PYY: variants seen among roughly 807,000 people sequenced by gnomAD.
The protein encoded by PYY is peptide YY, also known as peptide tyrosine tyrosine.
Under a neutral mutation model 10.3 loss-of-function variants are expected in PYY, and 12 were observed. The ratio of observed to expected loss-of-function variants is 1.17; its 90% CI spans 0.75 to 1.89. The LOEUF is 1.89. Among genes scored for constraint, PYY ranks in the 40% most tolerant of loss-of-function variants. The pLI is 0.00. For missense variants in PYY, 141 were observed against 134.0 expected (o/e 1.05, Z -0.26); for synonymous variants, 66 against 62.0 (o/e 1.06, Z -0.30).
chr17:43,984,845 A>G (rs1383261378), intron 1 of PYY, among the ~76,000 whole-genome samples: 1 of 152,176 alleles, frequency 6.6e-6, no homozygotes, highest in African/African-American at 2.4e-5. Flanking sequence ...GGCTGATTAA[A>G]TCTCGATTTT....
chr17:43,956,462 A>G (rs1204827679), upstream of PYY, among the ~76,000 whole-genome samples: 1 of 152,108 alleles, frequency 6.6e-6, no homozygotes, highest in Non-Finnish European at 1.5e-5. Flanking sequence ...TGCATGACTC[A>G]GTGGCCATGA....
chr17:44,002,916 A>G (rs1356565560), intron 1 of PYY, among the ~76,000 whole-genome samples: 1 of 152,238 alleles, frequency 6.6e-6, no homozygotes, highest in East Asian at 1.9e-4. Flanking sequence ...TATCTTTAAC[A>G]CATGGCACCT....
chr17:43,958,656 G>A (rs1234147904), upstream of PYY, among the ~76,000 whole-genome samples: 4 of 152,018 alleles, frequency 2.6e-5, no homozygotes, highest in Non-Finnish European at 4.4e-5. Flanking sequence ...CTGGGATTAC[G>A]AGTGTGAGCC....
rs1435316737 is a variant in PYY at position 43,987,133 on chromosome 17, C to T, written c.-463+17258G>A. On this transcript the variant is annotated intron_variant, in intron 1 of 6. Transcript: ENST00000360085. The surrounding 1 kb of genome is among the most constrained non-coding windows in gnomAD (Gnocchi z 4.0). Reference sequence around the variant, plus strand: ...TGGTGGTCAGCACAGACATGGTGACCGTGGCCCTGAAACCATGTCTCTATT... The same window carrying T: ...TGGTGGTCAGCACAGACATGGTGACTGTGGCCCTGAAACCATGTCTCTATT... Among the ~76,000 whole-genome samples the T allele has an allele frequency of 2.0e-5, 3 of 152,128 alleles. No individual in the cohort carries two copies. The highest frequency in any genetic ancestry group is 1.9e-4 in the East Asian group (1 of 5,192).
intron 1 of PYY, among the ~76,000 whole-genome samples, chr17:44,003,670 CAAAA>C (rs34426332): frequency 5.8e-5 from 1 of 17,112 alleles, no homozygotes; most frequent in African/African-American, 1.0e-4. Context: ...AACAAACAAA[CAAAA>C]AAAAAAAAAA....
At chr17:43,972,643 C>T (rs1474267030) in intron 1 of PYY, among the ~76,000 whole-genome samples, 1 of 152,158 alleles carries the variant, frequency 6.6e-6, no homozygotes, top group Admixed American at 6.5e-5. Flanking sequence ...ATCTTCCCAC[C>T]TCAGCCTTCC....
intron 1 of PYY, among the ~76,000 whole-genome samples, chr17:43,982,394 G>A (rs1337656004): frequency 1.3e-5 from 2 of 152,222 alleles, no homozygotes; most frequent in Non-Finnish European, 2.9e-5. Context: ...ATTTTTGTAA[G>A]AGGAGTCTCC....
intron 2 of PYY, among the ~76,000 whole-genome samples, chr17:43,964,718 G>A (rs1030698382): frequency 1.3e-4 from 20 of 152,242 alleles, no homozygotes; most frequent in African/African-American, 4.1e-4. Context: ...CAGGAGAATC[G>A]CTTGAACCCG....
upstream of PYY, among the ~76,000 whole-genome samples, chr17:43,957,102 G>A (rs145978315): frequency 4.2e-4 from 63 of 151,164 alleles, 2 homozygotes; most frequent in East Asian, 0.012. Context: ...GGAGGCTGAA[G>A]CAGGAAAATT....
intron 2 of PYY, among the ~76,000 whole-genome samples, chr17:43,963,673 AAAAT>A (rs2048735094): frequency 6.6e-6 from 1 of 151,944 alleles, no homozygotes. Flanking sequence ...GAAAAAGAGA[AAAAT>A]AACCCTGACC....
chr17:43,968,687 C>A (rs1019967425), intron 1 of PYY, among the ~76,000 whole-genome samples: 1 of 152,114 alleles, frequency 6.6e-6, no homozygotes, highest in Non-Finnish European at 1.5e-5. Context: ...TAGTGTGCAC[C>A]TGTGGTCCCA....
chr17:43,956,418 A>ATC, upstream of PYY, among the ~76,000 whole-genome samples: 1 of 150,396 alleles, frequency 6.6e-6, no homozygotes, highest in South Asian at 2.1e-4. Context: ...GGGCTCAGCC[A>ATC]CCCCCCGATC....
chr17:43,962,335 TA>T (rs1308197751), intron 2 of PYY, among the ~76,000 whole-genome samples: 1 of 152,222 alleles, frequency 6.6e-6, no homozygotes, highest in African/African-American at 2.4e-5. Flanking sequence ...GAGGTATCAT[TA>T]ACCAATAAAA....
At chr17:43,995,271 T>C (rs990814179) in intron 1 of PYY, among the ~76,000 whole-genome samples, 28 of 152,304 alleles carry the variant, frequency 1.8e-4, no homozygotes, top group Middle Eastern at 3.4e-3. Flanking sequence ...TAACTTTACC[T>C]TGGGATATGC....
chr17:43,981,501 GTTTT>G (rs796109019), intron 1 of PYY, among the ~76,000 whole-genome samples: 8 of 149,070 alleles, frequency 5.4e-5, no homozygotes, highest in African/African-American at 1.7e-4. Flanking sequence ...TTGTTTGTTT[GTTTT>G]TTTTTTGACA....
At chr17:43,965,381 G>A (rs1484229071) in intron 2 of PYY, among the ~76,000 whole-genome samples, 2 of 151,310 alleles carry the variant, frequency 1.3e-5, no homozygotes, top group African/African-American at 2.4e-5. Context: ...CTCAGGAGGC[G>A]GAGACAGCAG....
intron 1 of PYY, among the ~76,000 whole-genome samples, chr17:43,983,900 T>A (rs2048898978): frequency 6.6e-6 from 1 of 152,162 alleles, no homozygotes; most frequent in Non-Finnish European, 1.5e-5. Context: ...CCGGGCTGAG[T>A]GTTCCGAGGC....
intron 1 of PYY, among the ~76,000 whole-genome samples, chr17:43,989,899 T>TAC (rs377459470): frequency 1.7e-5 from 1 of 58,720 alleles, no homozygotes; most frequent in Non-Finnish European, 3.1e-5. Flanking sequence ...TATATATATA[T>TAC]ACACACAAAT....
chr17:43,999,236 A>G (rs1472211209), intron 1 of PYY, among the ~76,000 whole-genome samples: 1 of 152,076 alleles, frequency 6.6e-6, no homozygotes, highest in Admixed American at 6.6e-5. Context: ...TTAGCAATGC[A>G]GTGGTCACTG....
Sources: allele counts gnomAD v4.1 joint callset (sites outside exome capture counted in the v4.1 genomes callset), GRCh38; gene constraint gnomAD v4.1.1; non-coding constraint Gnocchi (gnomAD v3.1); transcripts MANE v1.5; gene names NCBI Gene and HGNC (gene_info 2026-07-23, HGNC 2026-07-21).